Variants in CTNNA3 observed in about 807,000 individuals in gnomAD.
The protein encoded by CTNNA3 is catenin alpha 3.
A neutral mutation model predicts 95.7 loss-of-function variants in CTNNA3; 76 were observed. The observed-to-expected ratio is 0.79, with a 90% CI of 0.66 to 0.96. The LOEUF (loss-of-function observed/expected upper bound fraction) is 0.96, where lower values mean the gene tolerates loss of function less well. Among genes scored for constraint, CTNNA3 ranks in the 40% least tolerant of loss-of-function variants. The pLI is 0.00. For synonymous variants in CTNNA3, 431 were observed against 374.4 expected (o/e 1.15, Z -1.74); for missense variants, 1,191 against 1,089.8 (o/e 1.09, Z -1.31).
intron 5 of CTNNA3, among the ~76,000 whole-genome samples, chr10:67,243,559 C>T (rs1865799238): frequency 6.6e-6 from 1 of 152,068 alleles, no homozygotes; most frequent in Non-Finnish European, 1.5e-5. Context: ...ATGGTTAATC[C>T]ACAAATAAGA....
intron 11 of CTNNA3, among the ~76,000 whole-genome samples, chr10:66,502,596 C>A (rs1181617002): frequency 1.3e-5 from 2 of 152,030 alleles, no homozygotes; most frequent in Non-Finnish European, 2.9e-5. Flanking sequence ...TTTATGACAT[C>A]CTACTGTCCA....
At chr10:67,372,490 C>G (rs1843511171) in intron 5 of CTNNA3, among the ~76,000 whole-genome samples, 1 of 152,170 alleles carries the variant, frequency 6.6e-6, no homozygotes, top group Non-Finnish European at 1.5e-5. Flanking sequence ...AAGACCAAAT[C>G]TACGTCTGAT....
At chr10:67,617,830 T>A (rs1179014843) in intron 2 of CTNNA3, among the ~76,000 whole-genome samples, 3 of 152,006 alleles carry the variant, frequency 2.0e-5, no homozygotes, top group Non-Finnish European at 4.4e-5. Context: ...TATCTCATTG[T>A]GGTTTTGATT....
chr10:65,914,829 C>G lies in CTNNA3; in HGVS notation c.*5501G>C, dbSNP rs925689388. The G allele has an allele frequency of 1.3e-5, 2 of 152,104 alleles. No homozygotes were observed. The highest frequency in any genetic ancestry group is 2.9e-5 in the Non-Finnish European group (2 of 68,026). The allele number at this position is 152,104 out of a possible 1,614,324, so 9.4% of individuals were successfully genotyped here. On this transcript the variant is annotated 3_prime_UTR_variant, in exon 18 of 18. Transcript: ENST00000433211. The stretch of plus-strand genomic sequence containing the variant: ...ACTTACTTCCCATGTACCTGACACT[C>G]TACATTCAGTTAATAGAGGTGAGAA...
At chr10:66,440,527 T>G (rs1346618861) in intron 11 of CTNNA3, among the ~76,000 whole-genome samples, 1 of 152,182 alleles carries the variant, frequency 6.6e-6, no homozygotes, top group Non-Finnish European at 1.5e-5. Flanking sequence ...CTGTCAAATT[T>G]TCCTTAGGGC....
chr10:66,724,315 T>C (rs1263009213), intron 9 of CTNNA3, among the ~76,000 whole-genome samples: 2 of 152,154 alleles, frequency 1.3e-5, no homozygotes, highest in African/African-American at 2.4e-5. Flanking sequence ...CCTCACAAGA[T>C]AGTGAGATGT....
chr10:66,977,262 C>G (rs1413724325), intron 7 of CTNNA3, among the ~76,000 whole-genome samples: 1 of 151,924 alleles, frequency 6.6e-6, no homozygotes, highest in African/African-American at 2.4e-5. Flanking sequence ...CATGGTGAAA[C>G]CCCGTCTCTA....
At chr10:66,649,376 C>T (rs1845817174) in intron 9 of CTNNA3, among the ~76,000 whole-genome samples, 1 of 152,024 alleles carries the variant, frequency 6.6e-6, no homozygotes, top group South Asian at 2.1e-4. Flanking sequence ...TGAGAGATTA[C>T]AGAAGCTGAG....
chr10:66,127,127 C>A (rs1209506116), intron 13 of CTNNA3, among the ~76,000 whole-genome samples: 1 of 151,940 alleles, frequency 6.6e-6, no homozygotes, highest in African/African-American at 2.4e-5. Flanking sequence ...AAAAAATTAG[C>A]CAGGCTTGGT....
intron 13 of CTNNA3, among the ~76,000 whole-genome samples, chr10:66,185,570 A>C (rs1175601021): frequency 1.3e-5 from 2 of 152,082 alleles, no homozygotes; most frequent in African/African-American, 4.8e-5. Context: ...TCAGTAATGT[A>C]TTTTATTCAC....
intron 1 of CTNNA3, among the ~76,000 whole-genome samples, chr10:67,757,992 T>G (rs1437124497): frequency 6.6e-6 from 1 of 152,014 alleles, no homozygotes; most frequent in Non-Finnish European, 1.5e-5. Flanking sequence ...GTAGACTGAG[T>G]AAAGAAGACC....
rs555886216 is a variant in CTNNA3 at position 66,900,996 on chromosome 10, G to A, written c.1048-125472C>T. ...AGAACTTCCCCAGTCTAGCAAAGCA[G>A]GCCAACATTCACATTCAGGAAATAC... On this transcript the variant is annotated intron_variant, in intron 7 of 17. Coordinates refer to ENST00000433211, the MANE Select transcript of CTNNA3 (RefSeq NM_013266.4). Among the ~76,000 whole-genome samples the A allele has an allele frequency of 1.7e-4, 26 of 152,298 alleles. 1 individual carries two copies. The South Asian group carries it at 5.4e-3, about 32-fold the overall frequency.
intron 5 of CTNNA3, among the ~76,000 whole-genome samples, chr10:67,388,687 G>A (rs1266312112): frequency 6.6e-6 from 1 of 151,758 alleles, no homozygotes; most frequent in Non-Finnish European, 1.5e-5. Context: ...TCAAAGGGAA[G>A]CCCATCAGAC....
At chr10:66,682,526 C>T (rs1847101884) in intron 9 of CTNNA3, among the ~76,000 whole-genome samples, 1 of 151,616 alleles carries the variant, frequency 6.6e-6, no homozygotes, top group Non-Finnish European at 1.5e-5. Context: ...ATGTTTGGTA[C>T]ACAAACAACA....
At chr10:67,690,281 G>A (rs1025111101) in intron 1 of CTNNA3, among the ~76,000 whole-genome samples, 3 of 152,156 alleles carry the variant, frequency 2.0e-5, no homozygotes, top group African/African-American at 7.2e-5. Flanking sequence ...CCCTCACGGT[G>A]AGTGTTACAG....
At chr10:65,971,612 T>G (rs1236112859) in intron 16 of CTNNA3, among the ~76,000 whole-genome samples, 1 of 151,736 alleles carries the variant, frequency 6.6e-6, no homozygotes, top group Non-Finnish European at 1.5e-5. Context: ...CCTCCAAGAA[T>G]GAATTAGAAA....
chr10:66,744,715 T>A (rs1453173488), intron 9 of CTNNA3, among the ~76,000 whole-genome samples: 3 of 152,192 alleles, frequency 2.0e-5, no homozygotes, highest in Non-Finnish European at 2.9e-5. Context: ...TTATAAGGAT[T>A]ATTGTCTAAT....
Position 66,766,180 on chromosome 10 carries a change from T to C in CTNNA3, c.1281+84A>G, listed in dbSNP as rs190603009. Reference sequence around the variant, plus strand: ...TTTGTAACACGGTGTCAAAAGTTTTTATTTAGGTACAATTCAACCATAAAT... The same window carrying C: ...TTTGTAACACGGTGTCAAAAGTTTTCATTTAGGTACAATTCAACCATAAAT... On this transcript the variant is annotated intron_variant, in intron 9 of 17. Transcript: ENST00000433211. 14 of 1,427,618 alleles carry C rather than the reference T, an allele frequency of 9.8e-6. No individual in the cohort carries two copies. In the East Asian group the frequency reaches 2.5e-4, roughly 26 times the overall value. The allele number at this position is 1,427,618 out of a possible 1,614,324, so 88.4% of individuals were successfully genotyped here.
chr10:66,890,038 G>T (rs544372644), intron 7 of CTNNA3, among the ~76,000 whole-genome samples: 1 of 152,006 alleles, frequency 6.6e-6, no homozygotes, highest in African/African-American at 2.4e-5. Flanking sequence ...TGATCCACCC[G>T]CCTTGGCTTC....
Sources: allele counts gnomAD v4.1 joint callset (sites outside exome capture counted in the v4.1 genomes callset), GRCh38; gene constraint gnomAD v4.1.1; transcripts MANE v1.5; gene names NCBI Gene and HGNC (gene_info 2026-07-23, HGNC 2026-07-21).